GSK3B: variants seen among roughly 807,000 people sequenced by gnomAD.
The protein encoded by GSK3B is glycogen synthase kinase 3 beta, also known as glycogen synthase kinase-3 beta.
A neutral mutation model predicts 56.4 loss-of-function variants in GSK3B; 15 were observed. That is an observed-to-expected ratio of 0.27 (90% CI 0.18 to 0.41). The LOEUF (loss-of-function observed/expected upper bound fraction) is 0.41, where lower values mean the gene tolerates loss of function less well. Ranked by LOEUF, GSK3B falls within the 10% of genes least tolerant of loss-of-function variation. GSK3B has a pLI of 1.00. For missense variants in GSK3B, 300 were observed against 513.4 expected (o/e 0.58, Z 4.02); for synonymous variants, 181 against 188.9 (o/e 0.96, Z 0.34).
intron 2 of GSK3B, among the ~76,000 whole-genome samples, chr3:119,971,736 C>T (rs1342047965): frequency 2.0e-5 from 3 of 147,266 alleles, no homozygotes; most frequent in Non-Finnish European, 3.0e-5. Context: ...CTCAGCCTCC[C>T]AAGTAGCTGG....
At chr3:119,937,826 G>GT (rs1287843428) in intron 3 of GSK3B, among the ~76,000 whole-genome samples, 2 of 151,590 alleles carry the variant, frequency 1.3e-5, no homozygotes, top group Admixed American at 6.6e-5. Flanking sequence ...AAAACTAAAA[G>GT]TTTTTTTTCT....
chr3:119,980,498 A>T (rs547261345), intron 2 of GSK3B, among the ~76,000 whole-genome samples: 29 of 152,190 alleles, frequency 1.9e-4, no homozygotes, highest in African/African-American at 6.7e-4. Flanking sequence ...GATTACAGGC[A>T]TGTGCCACCA....
intron 7 of GSK3B, among the ~76,000 whole-genome samples, chr3:119,889,028 C>A (rs1185142852): frequency 6.6e-6 from 1 of 152,090 alleles, no homozygotes; most frequent in African/African-American, 2.4e-5. Flanking sequence ...AGAACATAGA[C>A]CCTTATCAAA....
At chr3:119,980,968 A>G (rs1404753779) in intron 2 of GSK3B, among the ~76,000 whole-genome samples, 1 of 152,222 alleles carries the variant, frequency 6.6e-6, no homozygotes, top group Non-Finnish European at 1.5e-5. Flanking sequence ...AAATGTTATA[A>G]AAGGGAATTT....
intron 2 of GSK3B, among the ~76,000 whole-genome samples, chr3:119,974,643 T>A (rs956273662): frequency 2.6e-5 from 4 of 152,198 alleles, no homozygotes; most frequent in African/African-American, 9.7e-5. Context: ...GTATTTTAGC[T>A]ACTTCAATGG....
At chr3:119,844,695 A>T (rs1366758470) in intron 9 of GSK3B, among the ~76,000 whole-genome samples, 1 of 152,182 alleles carries the variant, frequency 6.6e-6, no homozygotes, top group Admixed American at 6.5e-5. Context: ...AAAAAGCCCA[A>T]GACCAGATGG....
At chr3:119,960,824 T>A (rs1221519781) in intron 2 of GSK3B, among the ~76,000 whole-genome samples, 11 of 152,130 alleles carry the variant, frequency 7.2e-5, no homozygotes, top group Non-Finnish European at 1.6e-4. Context: ...TGTCCATCCC[T>A]CCCCACTATA....
chr3:119,960,461 C>T (rs1197940806), intron 2 of GSK3B, among the ~76,000 whole-genome samples: 6 of 151,860 alleles, frequency 4.0e-5, no homozygotes, highest in Non-Finnish European at 7.4e-5. Context: ...CAAAGTAGTA[C>T]AAGAGAATCT....
intron 5 of GSK3B, among the ~76,000 whole-genome samples, chr3:119,913,706 GA>G (rs1285733301): frequency 6.6e-6 from 1 of 151,548 alleles, no homozygotes; most frequent in African/African-American, 2.4e-5. Flanking sequence ...AAAGACAGAT[GA>G]AAGTAGTCAC....
At chr3:119,829,066 G>A (rs575602383) in intron 10 of GSK3B, among the ~76,000 whole-genome samples, 1 of 152,146 alleles carries the variant, frequency 6.6e-6, no homozygotes, top group Non-Finnish European at 1.5e-5. Context: ...AATCACTGAG[G>A]AACTATGCTA....
chr3:119,860,351 C>T lies in GSK3B; in HGVS notation c.1096+3068G>A, dbSNP rs190961616. On this transcript the variant is annotated intron_variant, in intron 9 of 10. Coordinates refer to ENST00000264235, the MANE Select transcript of GSK3B (RefSeq NM_001146156.2). ...GTGTGCCAAAGGTTTATTCCAATTT[C>T]CAACATCTGAATGCAGATAATATTG... Among the ~76,000 whole-genome samples the T allele has an allele frequency of 3.5e-4, 53 of 152,262 alleles. No homozygotes were observed. The East Asian group carries it at 7.2e-3, about 21-fold the overall frequency.
At chr3:119,839,446 T>G (rs2055739553) in intron 10 of GSK3B, among the ~76,000 whole-genome samples, 1 of 152,160 alleles carries the variant, frequency 6.6e-6, no homozygotes, top group African/African-American at 2.4e-5. Context: ...ACTCCATTCT[T>G]GTTTAAGCCA....
intron 2 of GSK3B, among the ~76,000 whole-genome samples, chr3:119,970,137 T>G (rs1451101028): frequency 6.6e-6 from 1 of 152,218 alleles, no homozygotes; most frequent in Non-Finnish European, 1.5e-5. Flanking sequence ...TTTATAAACT[T>G]TACTATAGGT....
At chr3:119,973,050 G>A (rs1172877500) in intron 2 of GSK3B, among the ~76,000 whole-genome samples, 4 of 152,056 alleles carry the variant, frequency 2.6e-5, no homozygotes, top group Non-Finnish European at 5.9e-5. Context: ...ACTGCTAATC[G>A]TAAAAGCTGC....
At chr3:119,963,571 T>C (rs953285071) in intron 2 of GSK3B, among the ~76,000 whole-genome samples, 3 of 142,834 alleles carry the variant, frequency 2.1e-5, no homozygotes, top group African/African-American at 5.4e-5. Flanking sequence ...TGAGCTGAAA[T>C]TATGCCACGG....
chr3:119,986,645 G>A (rs1324662092), intron 2 of GSK3B, among the ~76,000 whole-genome samples: 5 of 152,080 alleles, frequency 3.3e-5, no homozygotes, highest in South Asian at 2.1e-4. Flanking sequence ...ACCATCTCAC[G>A]CCAGTTAGAA....
chr3:120,063,000 A>G (rs2058250726), intron 1 of GSK3B, among the ~76,000 whole-genome samples: 1 of 152,192 alleles, frequency 6.6e-6, no homozygotes. Flanking sequence ...GCCCAAAATC[A>G]TTTTGTAAAA....
At chr3:120,072,447 C>A (rs2058334453) in intron 1 of GSK3B, among the ~76,000 whole-genome samples, 1 of 151,946 alleles carries the variant, frequency 6.6e-6, no homozygotes, top group South Asian at 2.1e-4. Context: ...ATTGGCAGGG[C>A]ATGGTGGTAC....
rs564055822 is a variant in GSK3B at position 120,056,007 on chromosome 3, T to C, written c.88+37340A>G. On this transcript the variant is annotated intron_variant, in intron 1 of 10. Coordinates refer to ENST00000264235, the MANE Select transcript of GSK3B (RefSeq NM_001146156.2). ...TAATAACATCATTTGCCTTTTTAAT[T>C]CTCATTCTCTCCTGATTATACAATC... 9.2e-5 allele frequency among the ~76,000 whole-genome samples: 14 copies of C among 152,296 alleles called. No homozygotes were observed. The South Asian group carries it at 2.7e-3, about 29-fold the overall frequency.
Sources: allele counts gnomAD v4.1 joint callset (sites outside exome capture counted in the v4.1 genomes callset), GRCh38; gene constraint gnomAD v4.1.1; transcripts MANE v1.5; gene names NCBI Gene and HGNC (gene_info 2026-07-23, HGNC 2026-07-21).